SFXN4: variants seen among roughly 807,000 people sequenced by gnomAD.
SFXN4 encodes the protein sideroflexin 4.
A neutral mutation model predicts 54.6 loss-of-function variants in SFXN4; 48 were observed. The observed-to-expected ratio is 0.88, with a 90% CI of 0.70 to 1.12. SFXN4 has a LOEUF of 1.12. Ranked by LOEUF, SFXN4 falls within the 50% of genes most tolerant of loss-of-function variation. The pLI, the probability that SFXN4 is intolerant of heterozygous loss-of-function variation, is 0.00. For missense variants in SFXN4, 383 were observed against 409.2 expected (o/e 0.94, Z 0.55); for synonymous variants, 130 against 145.5 (o/e 0.89, Z 0.77).
At position 119,155,071 on chromosome 10, in the gene SFXN4, A is replaced by G. The variant is rs888216753; in HGVS notation, c.723T>C (p.Ala241=). 2.5e-6 allele frequency: 4 copies of G among 1,612,952 alleles called. No individual in the cohort carries two copies. Among genetic ancestry groups the G allele is most frequent in the Non-Finnish European group, 3.4e-6 (4 of 1,178,890 alleles). The change falls in exon 11 of 14, where the codon GCT becomes GCC. Residue 241 remains alanine (A), a synonymous_variant. Transcript: ENST00000355697. ...TCATCCTGTCTCTTACCTTTGTCCC[A>G]GCAATTCTGGAATGACCCAGGACAT... ...EGNVLGHSRI[A]GTKAVRETLA... is the part of the protein sequence containing the mutation.
chr10:119,141,401 A>C, intron 13 of SFXN4, 82 bp from the exon 14 acceptor site: 1 of 803,596 alleles, frequency 1.2e-6, no homozygotes, highest in Non-Finnish European at 2.0e-6. Context: ...CATTTTCTGA[A>C]AGCAACCATT....
At chr10:119,160,006 G>C (rs991512770) in intron 5 of SFXN4, among the ~76,000 whole-genome samples, 2 of 152,018 alleles carry the variant, frequency 1.3e-5, no homozygotes, top group African/African-American at 4.8e-5. Flanking sequence ...GAGGTAGCGA[G>C]ACCCCCACCT....
chr10:119,155,430 G>A lies in SFXN4; in HGVS notation c.617-253C>T, dbSNP rs190907383. Among the ~76,000 whole-genome samples the A allele has an allele frequency of 5.2e-4, 79 of 152,244 alleles. 1 individual carries two copies. Among genetic ancestry groups the A allele is most frequent in the Admixed American group, 4.4e-3 (67 of 15,288 alleles). ...CCTGGGACCAGCTTCCAGCACCCCT[G>A]CTTCCTTACCGGATTCTAGGAGAAA... On this transcript the variant is annotated intron_variant, in intron 10 of 13. Coordinates refer to ENST00000355697, the MANE Select transcript of SFXN4 (RefSeq NM_213649.2).
At chr10:119,141,699 T>C (rs752465275) in intron 13 of SFXN4, among the ~76,000 whole-genome samples, 19 of 152,044 alleles carry the variant, frequency 1.2e-4, no homozygotes, top group Middle Eastern at 3.2e-3. Context: ...GTTATTTACT[T>C]ATCTCTACAT....
chr10:119,153,350 G>A (rs1341039357), intron 11 of SFXN4, among the ~76,000 whole-genome samples: 3 of 125,354 alleles, frequency 2.4e-5, no homozygotes, highest in African/African-American at 8.1e-5. Context: ...GGTTGAGGCT[G>A]TAGAGCCGTG....
intron 10 of SFXN4, among the ~76,000 whole-genome samples, chr10:119,155,419 C>T (rs993089550): frequency 6.6e-6 from 1 of 152,230 alleles, no homozygotes; most frequent in African/African-American, 2.4e-5. Context: ...GGACCAGCTT[C>T]CAGCACCCCT....
Position 119,147,877 on chromosome 10 carries a change from G to A in SFXN4, c.733-17C>T. The A allele has an allele frequency of 1.2e-6, 2 of 1,611,274 alleles. No homozygotes were observed. The highest frequency in any genetic ancestry group is 1.7e-6 in the Non-Finnish European group (2 of 1,177,512). ...TCTAACAGCCTAGCAAAAATGAAAAGAAAACAGCTTAGGTTGGGCACGGTG... is the reference window on the plus strand; with the variant it reads ...TCTAACAGCCTAGCAAAAATGAAAAAAAAACAGCTTAGGTTGGGCACGGTG... On this transcript the variant is annotated splice_polypyrimidine_tract_variant and intron_variant, in intron 11 of 13. Transcript: ENST00000355697.
At position 119,157,933 on chromosome 10, in the gene SFXN4, G is replaced by A. The variant is rs2275111; in HGVS notation, c.415-6C>T. 807,450 of 1,613,640 alleles carry A rather than the reference G, an allele frequency of 0.5. 203,917 individuals are homozygous for A. The highest frequency in any genetic ancestry group is 0.69 in the East Asian group (31,182 of 44,884). Reference sequence around the variant, plus strand: ...ATGTAGGCACAGAGGAAAACCTGCCGAGAGGGGCAAATGGATCGCATTTTC... The same window carrying A: ...ATGTAGGCACAGAGGAAAACCTGCCAAGAGGGGCAAATGGATCGCATTTTC... On this transcript the variant is annotated splice_polypyrimidine_tract_variant and splice_region_variant and intron_variant, in intron 7 of 13. Transcript: ENST00000355697.
chr10:119,146,416 G>T, intron 12 of SFXN4, 63 bp from the exon 13 acceptor site: 1 of 966,816 alleles, frequency 1.0e-6, no homozygotes, highest in Non-Finnish European at 1.6e-6. Flanking sequence ...TTTCTGAACA[G>T]CTGAATCAGG....
Position 119,162,563 on chromosome 10 carries a change from T to C in SFXN4, c.178-149A>G, listed in dbSNP as rs35233430. The C allele has an allele frequency of 0.17, 109,567 of 649,594 alleles. 11,088 individuals are homozygous for C. Among genetic ancestry groups the C allele is most frequent in the South Asian group, 0.27 (14,699 of 53,478 alleles). 40.2% of individuals were successfully genotyped at this position (649,594 alleles called of 1,614,324 possible). On this transcript the variant is annotated intron_variant, in intron 2 of 13. Coordinates refer to ENST00000355697, the MANE Select transcript of SFXN4 (RefSeq NM_213649.2). Reference sequence around the variant, plus strand: ...GCCACATGGTGCCCTAGGCTCTCTATCCATTAGGATAGCCCTGAGTGCCAT... The same window carrying C: ...GCCACATGGTGCCCTAGGCTCTCTACCCATTAGGATAGCCCTGAGTGCCAT...
intron 13 of SFXN4, among the ~76,000 whole-genome samples, chr10:119,145,718 C>T (rs1237932093): frequency 2.0e-5 from 3 of 152,224 alleles, no homozygotes; most frequent in South Asian, 2.1e-4. Flanking sequence ...GTAAGCCTTC[C>T]GGTCAACAGT....
intron 13 of SFXN4, among the ~76,000 whole-genome samples, chr10:119,143,393 TCTCA>T (rs1305235290): frequency 1.3e-5 from 2 of 151,282 alleles, no homozygotes; most frequent in Admixed American, 1.3e-4. Flanking sequence ...CGAGACAGGG[TCTCA>T]CTCTGTGACC....
chr10:119,147,927 T>G, intron 11 of SFXN4, 67 bp from the exon 12 acceptor site: 2 of 1,319,238 alleles, frequency 1.5e-6, no homozygotes, highest in Non-Finnish European at 1.1e-6. Context: ...TCCCTGCACT[T>G]TGGGAGGCCG....
Position 119,161,437 on chromosome 10 carries a change from C to CAA in SFXN4, c.253-358_253-357dup, listed in dbSNP as rs1554888747. 1.0e-4 allele frequency among the ~76,000 whole-genome samples: 12 copies of CAA among 119,844 alleles called. No individual in the cohort carries two copies. In the South Asian group the frequency reaches 1.4e-3, roughly 14 times the overall value. The allele number at this position is 119,844 out of a possible 152,430, so 78.6% of individuals were successfully genotyped here. A position where few individuals can be genotyped will look rare whatever the true frequency, so the allele number is the denominator to read the frequency against. On this transcript the variant is annotated intron_variant, in intron 3 of 13. Transcript: ENST00000355697. ...AAACAACAACAACAACAAAAAAAAA[C>CAA]AAAAAAAAAAAAAAAGCTTTTAAAG... is the stretch of plus-strand genomic sequence containing the variant.
rs774905910 is a variant in SFXN4, at chr10:119,157,746, A to AAAT, written c.472-14_472-13insATT. ...GTGGCTTACAAGTCTAAGGAGAAAC[A>AAAT]AAAGTACTTAATTAGCAAATATCAC... On this transcript the variant is annotated splice_polypyrimidine_tract_variant and intron_variant, in intron 8 of 13. Coordinates refer to ENST00000355697, the MANE Select transcript of SFXN4 (RefSeq NM_213649.2). 8 of 1,608,048 alleles carry AAAT rather than the reference A, an allele frequency of 5.0e-6. No homozygotes were observed. In the South Asian group the frequency reaches 8.9e-5, roughly 18 times the overall value.
Position 119,155,183 on chromosome 10 carries a change from G to C in SFXN4, c.617-6C>G, listed in dbSNP as rs1300071598. On this transcript the variant is annotated splice_region_variant and splice_polypyrimidine_tract_variant and intron_variant, in intron 10 of 13. Transcript: ENST00000355697. Reference sequence around the variant, plus strand: ...ATTCATTCCACTGGCTTGCACTGTAGATGTAAAGAAGTAAAGAACACCCAA... The same window carrying C: ...ATTCATTCCACTGGCTTGCACTGTACATGTAAAGAAGTAAAGAACACCCAA... 1 of 1,596,416 alleles carries C rather than the reference G, an allele frequency of 6.3e-7. No individual in the cohort carries two copies. Among genetic ancestry groups the C allele is most frequent in the Non-Finnish European group, 8.6e-7 (1 of 1,163,992 alleles).
chr10:119,162,409 A>G lies in SFXN4; in HGVS notation c.183T>C (p.Ser61=), dbSNP rs749744419. ...DPTNVFISVE[S]IENSRQLLCT... is the part of the protein sequence containing the mutation. The stretch of plus-strand genomic sequence containing the variant: ...ACAATAGTTGCCTCGAGTTTTCTAT[A>G]CTTTCCTAAAATCAGATATCAAGTA... Residue 61 remains serine (S), a synonymous_variant, in exon 3 of 14, where the codon AGT becomes AGC. Transcript: ENST00000355697. 8.7e-6 allele frequency: 14 copies of G among 1,613,462 alleles called. No individual in the cohort carries two copies. In the South Asian group the frequency reaches 1.5e-4, roughly 18 times the overall value.
Position 119,164,820 on chromosome 10 carries a change from G to C in SFXN4, c.112-624C>G, listed in dbSNP as rs111475562. ...CCCACTTTAGGAGAGGCCTCAAAGA[G>C]AACCCCCTAAAGCCCTGCTCTCCAA... On this transcript the variant is annotated intron_variant, in intron 1 of 13. Transcript: ENST00000355697. Among the ~76,000 whole-genome samples, 661 of 151,824 alleles carry C rather than the reference G, an allele frequency of 4.4e-3. 9 individuals carry two copies. The highest frequency in any genetic ancestry group is 0.015 in the African/African-American group (630 of 41,454).
chr10:119,153,598 T>A (rs1238778817), intron 11 of SFXN4, among the ~76,000 whole-genome samples: 1 of 152,096 alleles, frequency 6.6e-6, no homozygotes, highest in Non-Finnish European at 1.5e-5. Context: ...AAGCAGGGGC[T>A]CTTTTAACCC....
Sources: gnomAD v4.1 joint callset for allele counts (sites outside exome capture counted in the v4.1 genomes callset) on GRCh38, gnomAD v4.1.1 for gene constraint, MANE v1.5 for transcripts, NCBI Gene and HGNC (gene_info 2026-07-23, HGNC 2026-07-21) for gene names.